SNX30: variants seen among roughly 807,000 people sequenced by gnomAD.
The protein encoded by SNX30 is sorting nexin-30.
A neutral mutation model predicts 46.4 loss-of-function variants in SNX30; 24 were observed. That is an observed-to-expected ratio of 0.52 (90% CI 0.37 to 0.73). The LOEUF is 0.73. SNX30 is among the 30% of genes least tolerant of loss of function. The pLI is 0.00. For missense variants in SNX30, 533 were observed against 555.7 expected, an observed-to-expected ratio of 0.96 and a Z score of 0.41; for synonymous variants, 189 against 211.5, an observed-to-expected ratio of 0.89 and a Z score of 0.92.
intron 3 of SNX30, among the ~76,000 whole-genome samples, chr9:112,821,113 A>AAAGTGATGAC (rs574600449): frequency 1.1e-3 from 173 of 152,344 alleles, no homozygotes; most frequent in Non-Finnish European, 2.2e-3. Flanking sequence ...ACTGTTTTCA[A>AAAGTGATGAC]AAGTGATGAC....
chr9:112,811,723 T>A (rs7871706), intron 2 of SNX30, among the ~76,000 whole-genome samples: 56,770 of 151,988 alleles, frequency 0.37, 11,134 homozygotes, highest in South Asian at 0.5. Context: ...CGTGACCTTG[T>A]GATCTTTGGA....
In SNX30 at chr9:112,850,679, C is replaced by G. The variant is rs141935161; in HGVS notation, c.1015-180C>G. Among the ~76,000 whole-genome samples the G allele has an allele frequency of 2.3e-3, 357 of 152,360 alleles. 2 individuals are homozygous for G. In the South Asian group the frequency reaches 0.03, roughly 13 times the overall value. On this transcript the variant is annotated intron_variant, in intron 6 of 8. Transcript: ENST00000374232. ...CATCAGGAGTGGTTCTCCTCTCTTC[C>G]CTCCTTTCTCCTGCTTCCTCCAGAG...
chr9:112,830,765 G>A lies in SNX30; in HGVS notation c.500G>A (p.Arg167His), dbSNP rs1368048588. ...EKFVVKGVVD[R>H]FSEEFVETRR... ...TTTGTGGTAAAAGGTGTTGTGGATCGTTTTTCAGAAGAGTTTGTGGAGACC... is the reference window on the plus strand; with the variant it reads ...TTTGTGGTAAAAGGTGTTGTGGATCATTTTTCAGAAGAGTTTGTGGAGACC... Residue 167 changes from arginine (R) to histidine (H), a missense_variant, in exon 4 of 9, where the codon CGT becomes CAT. Coordinates refer to ENST00000374232, the MANE Select transcript of SNX30 (RefSeq NM_001012994.2). The A allele has an allele frequency of 5.6e-6, 9 of 1,613,136 alleles. No homozygotes were observed. The highest frequency in any genetic ancestry group is 1.7e-5 in the Admixed American group (1 of 59,812).
chr9:112,796,323 G>A (rs1394373646), intron 1 of SNX30, among the ~76,000 whole-genome samples: 2 of 152,250 alleles, frequency 1.3e-5, no homozygotes, highest in Admixed American at 6.5e-5. Flanking sequence ...CCTGCCTGAG[G>A]TCAGTGTTTA....
chr9:112,781,524 G>A (rs1256747434), intron 1 of SNX30, among the ~76,000 whole-genome samples: 39 of 152,114 alleles, frequency 2.6e-4, no homozygotes, highest in Admixed American at 2.4e-3. Context: ...ACTATTCATC[G>A]AAATCAGAAA....
chr9:112,885,440 G>GTATATATATATATGTGTATA (rs1554759747), downstream of SNX30: 3 of 147,498 alleles, frequency 2.0e-5, no homozygotes, highest in African/African-American at 7.5e-5. Flanking sequence ...ATATATATGT[G>GTATATATATATATGTGTATA]TATATATATA....
At chr9:112,866,377 A>G (rs1841344016) in intron 8 of SNX30, 1 of 463,730 alleles carries the variant, frequency 2.2e-6, no homozygotes, top group Admixed American at 2.4e-5. Flanking sequence ...TATTCCAGGT[A>G]TAGGAGACAA....
intron 1 of SNX30, among the ~76,000 whole-genome samples, chr9:112,762,440 C>T (rs1443227183): frequency 6.6e-6 from 1 of 152,032 alleles, no homozygotes; most frequent in Non-Finnish European, 1.5e-5. Flanking sequence ...GATCTCTCCC[C>T]CGAGAGGTTA....
At chr9:112,821,400 T>A (rs1840491049) in intron 3 of SNX30, among the ~76,000 whole-genome samples, 1 of 152,208 alleles carries the variant, frequency 6.6e-6, no homozygotes, top group Non-Finnish European at 1.5e-5. Flanking sequence ...TTTTTCAAAT[T>A]TTATATATAT....
At chr9:112,826,320 G>A (rs1199934522) in intron 3 of SNX30, among the ~76,000 whole-genome samples, 2 of 152,188 alleles carry the variant, frequency 1.3e-5, no homozygotes, top group African/African-American at 4.8e-5. Context: ...TTGCTTTGAG[G>A]GTTGGCAGAA....
At chr9:112,850,733 G>A in intron 6 of SNX30, 126 bp from the exon 7 acceptor site, 1 of 642,094 alleles carries the variant, frequency 1.6e-6, no homozygotes, top group Non-Finnish European at 2.8e-6. Context: ...TGTCCTAGGA[G>A]CACATGGCTG....
At chr9:112,846,667 C>T (rs1026840228) in intron 6 of SNX30, among the ~76,000 whole-genome samples, 3 of 152,152 alleles carry the variant, frequency 2.0e-5, no homozygotes. Context: ...GGTCTTGGGT[C>T]GTCAGCCCTG....
At chr9:112,767,675 A>G (rs1839567795) in intron 1 of SNX30, among the ~76,000 whole-genome samples, 2 of 151,996 alleles carry the variant, frequency 1.3e-5, no homozygotes, top group Non-Finnish European at 2.9e-5. Flanking sequence ...CTGCAGCCTC[A>G]ACCTCCCAGG....
chr9:112,849,458 G>A (rs1840990912), intron 6 of SNX30, among the ~76,000 whole-genome samples: 1 of 152,026 alleles, frequency 6.6e-6, no homozygotes, highest in African/African-American at 2.4e-5. Context: ...ATTATAAAAC[G>A]TTTCCATTAT....
chr9:112,787,191 C>T (rs1402883654), intron 1 of SNX30, among the ~76,000 whole-genome samples: 2 of 152,204 alleles, frequency 1.3e-5, no homozygotes, highest in Non-Finnish European at 2.9e-5. Flanking sequence ...CACGGAAAAA[C>T]ATCTCTTCTA....
At chr9:112,771,274 T>C (rs1839644794) in intron 1 of SNX30, among the ~76,000 whole-genome samples, 2 of 152,202 alleles carry the variant, frequency 1.3e-5, no homozygotes, top group Admixed American at 6.5e-5. Context: ...TGCTAAATGC[T>C]GTGTGTATAA....
Position 112,864,280 on chromosome 9 carries a change from A to G in SNX30, c.1135A>G (p.Met379Val). 5 of 1,614,066 alleles carry G rather than the reference A, an allele frequency of 3.1e-6. No homozygotes were observed. The highest frequency in any genetic ancestry group is 4.2e-6 in the Non-Finnish European group (5 of 1,180,010). ...GGACGTCGAGAAATGTCAGGATCGGATGGAGTGTTTCAATGCTGACCTGAA... is the reference window on the plus strand; with the variant it reads ...GGACGTCGAGAAATGTCAGGATCGGGTGGAGTGTTTCAATGCTGACCTGAA... ...PADVEKCQDRMECFNADLKAD... is the reference protein window; with the variant it reads ...PADVEKCQDRVECFNADLKAD... Residue 379 changes from methionine (M) to valine (V), a missense_variant, in exon 8 of 9, where the codon ATG becomes GTG. By Grantham distance (21) the Met-to-Val change is conservative. Coordinates refer to ENST00000374232, the MANE Select transcript of SNX30 (RefSeq NM_001012994.2).
chr9:112,837,756 T>G (rs1840781798), intron 5 of SNX30, among the ~76,000 whole-genome samples: 1 of 151,622 alleles, frequency 6.6e-6, no homozygotes, highest in African/African-American at 2.4e-5. Flanking sequence ...ATTACAGGTG[T>G]GAGCCACCGT....
intron 3 of SNX30, among the ~76,000 whole-genome samples, chr9:112,825,761 A>G (rs1840571289): frequency 6.6e-6 from 1 of 151,878 alleles, no homozygotes; most frequent in South Asian, 2.1e-4. Context: ...AGCTCTTTTC[A>G]TTTACATGAT....
Sources: gnomAD v4.1 joint callset for allele counts (sites outside exome capture counted in the v4.1 genomes callset) on GRCh38, gnomAD v4.1.1 for gene constraint, MANE v1.5 for transcripts, NCBI Gene and HGNC (gene_info 2026-07-23, HGNC 2026-07-21) for gene names.